The following FHIT variants were observed in gnomAD, a reference collection of about 807,000 sequenced individuals.
FHIT encodes the protein fragile histidine triad diadenosine triphosphatase, also known as bis(5'-adenosyl)-triphosphatase.
Under a neutral mutation model 17.9 loss-of-function variants are expected in FHIT, and 19 were observed. That is an observed-to-expected ratio of 1.06 (90% CI 0.74 to 1.56). The LOEUF is 1.56. Among genes scored for constraint, FHIT ranks in the 40% most tolerant of loss-of-function variants. The pLI, the probability that FHIT is intolerant of heterozygous loss-of-function variation, is 0.00. For missense variants in FHIT, 248 were observed against 189.2 expected (o/e 1.31, Z -1.82); for synonymous variants, 81 against 69.7 (o/e 1.16, Z -0.81).
At chr3:60,180,320 G>T (rs1232364131) in intron 5 of FHIT, among the ~76,000 whole-genome samples, 1 of 152,136 alleles carries the variant, frequency 6.6e-6, no homozygotes, top group Non-Finnish European at 1.5e-5. Context: ...TTATAAAAAG[G>T]AGAAAGAGAA....
chr3:60,787,089 T>C (rs1042830788), intron 4 of FHIT, among the ~76,000 whole-genome samples: 3 of 152,008 alleles, frequency 2.0e-5, no homozygotes, highest in Non-Finnish European at 4.4e-5. Flanking sequence ...TGTGATATAT[T>C]ATTTTGTCAG....
chr3:60,924,497 C>T (rs1340585666), intron 3 of FHIT, among the ~76,000 whole-genome samples: 2 of 152,150 alleles, frequency 1.3e-5, no homozygotes, highest in African/African-American at 4.8e-5. Context: ...AGCTGAGAGT[C>T]CTGACTGTTA....
At chr3:60,100,703 A>G (rs538567288) in intron 5 of FHIT, among the ~76,000 whole-genome samples, 3 of 152,152 alleles carry the variant, frequency 2.0e-5, no homozygotes, top group African/African-American at 7.2e-5. Context: ...TTAAAACCAG[A>G]GTGAATTTAT....
At chr3:60,246,966 T>C (rs910522004) in intron 5 of FHIT, among the ~76,000 whole-genome samples, 20 of 152,164 alleles carry the variant, frequency 1.3e-4, no homozygotes, top group African/African-American at 4.8e-4. Flanking sequence ...GAAACTATTC[T>C]GTATGATACT....
At chr3:60,446,673 A>G (rs1344846886) in intron 5 of FHIT, among the ~76,000 whole-genome samples, 3 of 151,952 alleles carry the variant, frequency 2.0e-5, no homozygotes, top group African/African-American at 7.3e-5. Flanking sequence ...TCAACATAGC[A>G]AGACCCTGTC....
intron 5 of FHIT, among the ~76,000 whole-genome samples, chr3:60,205,359 A>AT (rs1703124716): frequency 6.6e-6 from 1 of 152,218 alleles, no homozygotes; most frequent in African/African-American, 2.4e-5. Flanking sequence ...ATGTATTAAC[A>AT]TATTAGCAGG....
chr3:60,122,352 TG>T (rs1458355419), intron 5 of FHIT, among the ~76,000 whole-genome samples: 1 of 152,170 alleles, frequency 6.6e-6, no homozygotes, highest in African/African-American at 2.4e-5. Flanking sequence ...AAATTTGTGT[TG>T]AATCCCGGCC....
At chr3:60,286,431 G>A (rs1707733505) in intron 5 of FHIT, among the ~76,000 whole-genome samples, 2 of 152,112 alleles carry the variant, frequency 1.3e-5, no homozygotes, top group Admixed American at 1.3e-4. Context: ...TCCCTTGGAA[G>A]TATGCAAATT....
chr3:60,964,303 C>G (rs1403337677), intron 3 of FHIT, among the ~76,000 whole-genome samples: 1 of 151,842 alleles, frequency 6.6e-6, no homozygotes, highest in Non-Finnish European at 1.5e-5. Flanking sequence ...TCCTCCATCC[C>G]TTTAGTTTGA....
intron 4 of FHIT, among the ~76,000 whole-genome samples, chr3:60,673,636 A>G (rs980027016): frequency 6.6e-6 from 1 of 152,186 alleles, no homozygotes; most frequent in Non-Finnish European, 1.5e-5. Context: ...AAATGTTTAC[A>G]TATGTAACAA....
chr3:60,886,462 A>C (rs1705226539), intron 3 of FHIT, among the ~76,000 whole-genome samples: 1 of 152,250 alleles, frequency 6.6e-6, no homozygotes, highest in South Asian at 2.1e-4. Flanking sequence ...GCAACCTTTC[A>C]TGTAATACTC....
chr3:60,452,674 C>T (rs2031826973), intron 5 of FHIT, among the ~76,000 whole-genome samples: 1 of 152,130 alleles, frequency 6.6e-6, no homozygotes, highest in Non-Finnish European at 1.5e-5. Flanking sequence ...CTCCAAAAAT[C>T]TTGTTTACAT....
chr3:60,320,360 C>A (rs1419697033), intron 5 of FHIT, among the ~76,000 whole-genome samples: 1 of 152,016 alleles, frequency 6.6e-6, no homozygotes, highest in Non-Finnish European at 1.5e-5. Flanking sequence ...AGACAACAAC[C>A]TGAAAATCAG....
intron 5 of FHIT, among the ~76,000 whole-genome samples, chr3:60,484,268 T>C (rs781289600): frequency 3.3e-5 from 5 of 152,162 alleles, no homozygotes; most frequent in Non-Finnish European, 4.4e-5. Context: ...ACAGATTCAA[T>C]GTTATTCTCA....
intron 8 of FHIT, among the ~76,000 whole-genome samples, chr3:59,913,679 G>A (rs1704993493): frequency 6.6e-6 from 1 of 152,072 alleles, no homozygotes; most frequent in African/African-American, 2.4e-5. Context: ...GCTCTCCCTA[G>A]GAGCAAAGAC....
rs189534705 is a variant in FHIT at position 60,536,942 on chromosome 3, T to A, written c.21A>T (p.Gln7His). The part of the protein sequence containing the change: MSFRFG[Q>H]HLIKPSVVFL... ...ACACTACAGAGGGCTTGATGAGATG[T>A]TGGCCAAATCTGAACGACATGTCCT... is the stretch of plus-strand genomic sequence containing the variant. The change falls in exon 5 of 10, where the codon CAA becomes CAT. Residue 7 changes from glutamine to histidine, a missense_variant. Gln to His is a conservative substitution (Grantham distance 24). Coordinates refer to ENST00000492590, the MANE Select transcript of FHIT (RefSeq NM_002012.4). 1.4e-5 allele frequency: 22 copies of A among 1,612,730 alleles called. No homozygotes were observed. In the East Asian group the frequency reaches 3.6e-4, roughly 26 times the overall value.
intron 5 of FHIT, among the ~76,000 whole-genome samples, chr3:60,165,242 C>T (rs943508231): frequency 3.9e-5 from 6 of 152,176 alleles, no homozygotes; most frequent in African/African-American, 1.4e-4. Flanking sequence ...AGAGTAGATG[C>T]TCAATTAATA....
chr3:60,979,694 G>A (rs2107550029), intron 3 of FHIT, among the ~76,000 whole-genome samples: 1 of 152,306 alleles, frequency 6.6e-6, no homozygotes. Context: ...GCCAACCACA[G>A]AAGTGCCAAC....
intron 4 of FHIT, among the ~76,000 whole-genome samples, chr3:60,702,277 A>G (rs1306925416): frequency 6.6e-6 from 1 of 152,204 alleles, no homozygotes; most frequent in Non-Finnish European, 1.5e-5. Context: ...AATAACAGTA[A>G]CTTTATATTA....
Sources: gnomAD v4.1 joint callset for allele counts (sites outside exome capture counted in the v4.1 genomes callset) on GRCh38, gnomAD v4.1.1 for gene constraint, MANE v1.5 for transcripts, NCBI Gene and HGNC (gene_info 2026-07-23, HGNC 2026-07-21) for gene names.